Variants in BEND2 observed in about 807,000 individuals in gnomAD.
BEND2 encodes the protein BEN domain-containing protein 2.
Under a neutral mutation model 43.8 loss-of-function variants are expected in BEND2, and 19 were observed. The ratio of observed to expected loss-of-function variants is 0.43; its 90% confidence interval spans 0.30 to 0.64. BEND2 has a LOEUF of 0.64. Among genes scored for constraint, BEND2 ranks in the 30% least tolerant of loss-of-function variants. The probability of loss-of-function intolerance (pLI) is 0.11; values close to 1 mark genes in which losing one functional copy is unlikely to be tolerated. For missense variants in BEND2, 544 were observed against 574.0 expected (o/e 0.95, Z 0.53); for synonymous variants, 226 against 210.1 (o/e 1.08, Z -0.66).
intron 4 of BEND2, among the ~76,000 whole-genome samples, chrX:18,207,082 G>T (rs1424780714): frequency 4.5e-5 from 5 of 110,646 alleles, no homozygotes; most frequent in African/African-American, 1.6e-4. Context: ...TAGCAGTGCA[G>T]GGGGAGGTAG....
chrX:18,165,965 T>C (rs1235428630), intron 13 of BEND2, among the ~76,000 whole-genome samples: 1 of 112,159 alleles, frequency 8.9e-6, no homozygotes, highest in Non-Finnish European at 1.9e-5. Context: ...ATAGGGTTAA[T>C]AGGCTAATAA....
intron 4 of BEND2, among the ~76,000 whole-genome samples, chrX:18,210,098 A>G (rs1274471671): frequency 9.1e-6 from 1 of 110,151 alleles, no homozygotes; most frequent in Non-Finnish European, 1.9e-5. Context: ...AGAAGGAAAC[A>G]AAATGCTTCA....
chrX:18,212,092 C>CTTT (rs758303697), intron 4 of BEND2, among the ~76,000 whole-genome samples: 10,977 of 70,952 alleles, frequency 0.15, 826 homozygotes, highest in East Asian at 0.23. Flanking sequence ...TTATTACTGT[C>CTTT]TTTTTTTTTT....
intron 10 of BEND2, among the ~76,000 whole-genome samples, chrX:18,177,059 G>A (rs1326774069): frequency 4.5e-5 from 5 of 110,559 alleles, no homozygotes; most frequent in Non-Finnish European, 9.4e-5. Context: ...CTCATAGGCA[G>A]AAACACTTAT....
intron 13 of BEND2, among the ~76,000 whole-genome samples, chrX:18,168,871 G>C (rs1215332028): frequency 8.9e-6 from 1 of 112,203 alleles, no homozygotes; most frequent in Non-Finnish European, 1.9e-5. Context: ...AATGGGATAT[G>C]AATCAGTAGT....
At chrX:18,202,015 T>C (rs1327166570) in intron 5 of BEND2, 75 bp from the exon 6 acceptor site, 1 of 1,004,612 alleles carries the variant, frequency 1.0e-6, no homozygotes, top group East Asian at 3.4e-5. Flanking sequence ...AAAATTATCC[T>C]TCAAGAAAGA....
At position 18,216,714 on chromosome X, in the gene BEND2, G is replaced by C. The variant is rs148252097; in HGVS notation, c.45C>G (p.Val15=). Residue 15 remains valine (V), a synonymous_variant, in exon 2 of 14, where the codon GTC becomes GTG. Coordinates refer to ENST00000380033, the MANE Select transcript of BEND2 (RefSeq NM_153346.5). Reference sequence around the variant, plus strand: ...AATCATTGTTATCATCACTGTCGTCGACAGTTATAATAACAAAATCTAAGA... The same window carrying C: ...AATCATTGTTATCATCACTGTCGTCCACAGTTATAATAACAAAATCTAAGA... ...TQEQDFVIIT[V]DDSDDNNDCS... The C allele has an allele frequency of 8.3e-7, 1 of 1,201,579 alleles. No individual in the cohort carries two copies. Among genetic ancestry groups the C allele is most frequent in the African/African-American group, 1.7e-5 (1 of 57,572 alleles).
intron 13 of BEND2, among the ~76,000 whole-genome samples, chrX:18,167,867 G>C (rs1923863665): frequency 1.8e-5 from 2 of 112,455 alleles, no homozygotes; most frequent in East Asian, 2.8e-4. Flanking sequence ...TGCCCGACCT[G>C]ACCGTAAATG....
At chrX:18,214,437 G>A (rs999376457) in intron 2 of BEND2, among the ~76,000 whole-genome samples, 2 of 111,607 alleles carry the variant, frequency 1.8e-5, no homozygotes, top group South Asian at 7.5e-4. Flanking sequence ...TTCTTGGGAT[G>A]GGTGCTGGTT....
chrX:18,164,313 C>T lies in BEND2; in HGVS notation c.*696G>A, dbSNP rs1232454211. 9.0e-6 allele frequency: 1 copy of T among 111,586 alleles called. No homozygotes were observed. The highest frequency in any genetic ancestry group is 9.6e-5 in the Admixed American group (1 of 10,450). 9.2% of individuals were successfully genotyped at this position (111,586 alleles called of 1,213,427 possible). ...GTGCTGGGATTACAGGTGTGAGCCA[C>T]TACACCCGGTAAATTATCTACTTTT... On this transcript the variant is annotated 3_prime_UTR_variant, in exon 14 of 14. Coordinates refer to ENST00000380033, the MANE Select transcript of BEND2 (RefSeq NM_153346.5).
At chrX:18,173,305 C>T (rs1022207247) in intron 12 of BEND2, among the ~76,000 whole-genome samples, 1 of 111,751 alleles carries the variant, frequency 8.9e-6, no homozygotes, top group Non-Finnish European at 1.9e-5. Context: ...TTAATTTATC[C>T]AGTCTGTGTC....
chrX:18,201,427 A>AAAAAAAACAAAAAAC (rs1925156313), intron 6 of BEND2, among the ~76,000 whole-genome samples: 2 of 86,430 alleles, frequency 2.3e-5, no homozygotes, highest in African/African-American at 8.6e-5. Context: ...ACAAAAAAAA[A>AAAAAAAACAAAAAAC]AAAACTGGTG....
intron 7 of BEND2, among the ~76,000 whole-genome samples, chrX:18,193,368 T>C (rs1294990216): frequency 1.0e-5 from 1 of 96,917 alleles, no homozygotes; most frequent in Non-Finnish European, 2.2e-5. Context: ...AGAAAAAGAG[T>C]AAAATGAGAC....
chrX:18,194,851 G>C (rs1251540855), intron 7 of BEND2, among the ~76,000 whole-genome samples: 1 of 110,540 alleles, frequency 9.0e-6, no homozygotes, highest in Admixed American at 9.7e-5. Context: ...GGTGACCTGA[G>C]AGAGTTGGTG....
chrX:18,205,076 C>T (rs1430906293), intron 4 of BEND2, among the ~76,000 whole-genome samples: 2 of 110,881 alleles, frequency 1.8e-5, no homozygotes, highest in South Asian at 3.8e-4. Context: ...ACATCCCCTA[C>T]GTGCCAATCA....
intron 6 of BEND2, among the ~76,000 whole-genome samples, chrX:18,198,027 C>T (rs1471969199): frequency 1.8e-5 from 2 of 111,727 alleles, no homozygotes; most frequent in Non-Finnish European, 1.9e-5. Flanking sequence ...GGATCCCTTC[C>T]TTACACCTTA....
intron 8 of BEND2, among the ~76,000 whole-genome samples, chrX:18,189,005 C>A (rs2147407533): frequency 9.1e-6 from 1 of 109,322 alleles, no homozygotes; most frequent in East Asian, 2.9e-4. Context: ...TCGAGACCAG[C>A]CTGGCCAGCA....
At chrX:18,170,090 G>C (rs1394519877) in intron 13 of BEND2, among the ~76,000 whole-genome samples, 1 of 111,519 alleles carries the variant, frequency 9.0e-6, no homozygotes, top group Non-Finnish European at 1.9e-5. Context: ...TAGTAGGTTA[G>C]CTCAGTGATG....
chrX:18,173,141 C>T (rs1389326698), intron 12 of BEND2, among the ~76,000 whole-genome samples: 4 of 111,222 alleles, frequency 3.6e-5, no homozygotes, highest in Admixed American at 1.9e-4. Flanking sequence ...TGGGCTTAGT[C>T]GCCCTGTCCC....
Sources: allele counts gnomAD v4.1 joint callset (sites outside exome capture counted in the v4.1 genomes callset), GRCh38; gene constraint gnomAD v4.1.1; transcripts MANE v1.5; gene names NCBI Gene and HGNC (gene_info 2026-07-23, HGNC 2026-07-21).